SYN3: variants seen among roughly 807,000 people sequenced by gnomAD.
The protein encoded by SYN3 is synapsin-3.
SYN3 carries 35 observed loss-of-function variants against 65.8 expected under a neutral mutation model. That is an observed-to-expected ratio of 0.53 (90% CI 0.41 to 0.70). The LOEUF is 0.70. SYN3 is among the 30% of genes least tolerant of loss of function. The pLI is 0.00. For missense variants in SYN3, 680 were observed against 749.0 expected (o/e 0.91, Z 1.08); for synonymous variants, 270 against 292.9 (o/e 0.92, Z 0.80).
chr22:33,051,631 C>A (rs2054168485), intron 1 of SYN3, among the ~76,000 whole-genome samples: 1 of 152,156 alleles, frequency 6.6e-6, no homozygotes. Flanking sequence ...CCCCTAAGAG[C>A]CCCAGCCTGG....
chr22:32,812,526 C>T (rs2046943075), intron 6 of SYN3, among the ~76,000 whole-genome samples: 1 of 152,168 alleles, frequency 6.6e-6, no homozygotes, highest in Non-Finnish European at 1.5e-5. Context: ...AAAATTGAAC[C>T]TCATTAACAC....
At chr22:32,997,743 C>A (rs759149635) in intron 2 of SYN3, among the ~76,000 whole-genome samples, 1 of 152,018 alleles carries the variant, frequency 6.6e-6, no homozygotes, top group Admixed American at 6.6e-5. Context: ...AAGAATGCCA[C>A]CGGCCGGGCG....
chr22:32,619,809 T>A (rs533214138), intron 6 of SYN3, among the ~76,000 whole-genome samples: 2 of 152,212 alleles, frequency 1.3e-5, no homozygotes, highest in Admixed American at 1.3e-4. Flanking sequence ...CCCAGAGACA[T>A]TGCATGTTTC....
intron 6 of SYN3, among the ~76,000 whole-genome samples, chr22:32,606,770 C>G (rs1418452213): frequency 6.6e-6 from 1 of 151,982 alleles, no homozygotes; most frequent in Non-Finnish European, 1.5e-5. Context: ...AAGTCCCTCT[C>G]TGCTCCTCTT....
intron 7 of SYN3, among the ~76,000 whole-genome samples, chr22:32,586,597 T>C (rs9619273): frequency 0.42 from 63,727 of 151,970 alleles, 13,511 homozygotes; most frequent in African/African-American, 0.48. Flanking sequence ...CCAAATAGAC[T>C]GCAAGAAGGA....
chr22:32,913,427 G>A (rs2146593957), intron 4 of SYN3, among the ~76,000 whole-genome samples: 1 of 151,946 alleles, frequency 6.6e-6, no homozygotes, highest in Non-Finnish European at 1.5e-5. Context: ...CAAAGTGCTG[G>A]GATTACAGGC....
intron 3 of SYN3, among the ~76,000 whole-genome samples, chr22:32,938,927 C>CAAAAAAAA (rs137558): frequency 8.0e-6 from 1 of 125,062 alleles, no homozygotes. Context: ...GGCTTTGTCT[C>CAAAAAAAA]AAAAAAAAAA....
rs537040697 is a variant in SYN3, at chr22:32,838,291, C to T, written c.711+26624G>A. Among the ~76,000 whole-genome samples the T allele has an allele frequency of 5.8e-4, 88 of 152,250 alleles. 1 individual carries two copies. The highest frequency in any genetic ancestry group is 2.0e-3 in the African/African-American group (85 of 41,546). On this transcript the variant is annotated intron_variant, in intron 6 of 13. Transcript: ENST00000358763. Reference sequence around the variant, plus strand: ...GGCAAAATAAAACAAACAATAAACACTATGGCAGAGAGGGACACAGGACCT... The same window carrying T: ...GGCAAAATAAAACAAACAATAAACATTATGGCAGAGAGGGACACAGGACCT...
At chr22:32,536,483 C>G (rs2058168103) in intron 9 of SYN3, among the ~76,000 whole-genome samples, 1 of 152,214 alleles carries the variant, frequency 6.6e-6, no homozygotes, top group Non-Finnish European at 1.5e-5. Context: ...ATGAGCATGC[C>G]TAAGGTCACA....
intron 6 of SYN3, among the ~76,000 whole-genome samples, chr22:32,679,086 T>C (rs2060487867): frequency 7.3e-6 from 1 of 136,184 alleles, no homozygotes; most frequent in Non-Finnish European, 1.5e-5. Context: ...GGAGTCTCGA[T>C]CTGTCACCCA....
chr22:32,664,398 C>T (rs1230840090), intron 6 of SYN3, among the ~76,000 whole-genome samples: 3 of 151,908 alleles, frequency 2.0e-5, no homozygotes, highest in Non-Finnish European at 2.9e-5. Context: ...ATCTAGTGGT[C>T]GGTGTTTTAG....
At chr22:33,034,144 C>CCA in intron 1 of SYN3, among the ~76,000 whole-genome samples, 1 of 148,720 alleles carries the variant, frequency 6.7e-6, no homozygotes, top group South Asian at 2.3e-4. Context: ...CGAGATTGTG[C>CCA]CACTGCTCTC....
chr22:33,004,631 C>T (rs973491750), intron 2 of SYN3, among the ~76,000 whole-genome samples: 47 of 152,302 alleles, frequency 3.1e-4, no homozygotes, highest in African/African-American at 1.1e-3. Flanking sequence ...ATTTGGAATG[C>T]GTGTATTTAC....
intron 6 of SYN3, among the ~76,000 whole-genome samples, chr22:32,668,816 T>C (rs1400306112): frequency 6.6e-6 from 1 of 152,158 alleles, no homozygotes; most frequent in African/African-American, 2.4e-5. Context: ...ATCTGCCCCA[T>C]GAAAGGCCCC....
At chr22:32,572,822 C>T (rs889968502) in intron 7 of SYN3, among the ~76,000 whole-genome samples, 1 of 152,134 alleles carries the variant, frequency 6.6e-6, no homozygotes, top group Admixed American at 6.5e-5. Flanking sequence ...TCCTCTGTTC[C>T]CCATCTCACT....
intron 1 of SYN3, among the ~76,000 whole-genome samples, chr22:33,027,637 C>CAG (rs1556196417): frequency 4.0e-5 from 6 of 149,630 alleles, no homozygotes; most frequent in South Asian, 2.1e-4. Flanking sequence ...GACAGACAGA[C>CAG]AGAGAGAGAG....
intron 6 of SYN3, among the ~76,000 whole-genome samples, chr22:32,661,619 A>G (rs1275526516): frequency 6.6e-6 from 1 of 152,114 alleles, no homozygotes; most frequent in Non-Finnish European, 1.5e-5. Flanking sequence ...CAGCTGCCCT[A>G]GAGCACTGTG....
chr22:33,044,911 C>T (rs919425514), intron 1 of SYN3, among the ~76,000 whole-genome samples: 3 of 150,714 alleles, frequency 2.0e-5, no homozygotes, highest in Admixed American at 6.6e-5. Context: ...GGCATGATCT[C>T]GGCTCACCAC....
chr22:32,838,147 C>G (rs2047788650), intron 6 of SYN3, among the ~76,000 whole-genome samples: 1 of 152,204 alleles, frequency 6.6e-6, no homozygotes, highest in African/African-American at 2.4e-5. Context: ...CTGCTTATTA[C>G]TGAATCCCCA....
Sources: gnomAD v4.1 joint callset for allele counts (sites outside exome capture counted in the v4.1 genomes callset) on GRCh38, gnomAD v4.1.1 for gene constraint, MANE v1.5 for transcripts, NCBI Gene and HGNC (gene_info 2026-07-23, HGNC 2026-07-21) for gene names.